TBC1D12: variants seen among roughly 807,000 people sequenced by gnomAD.
TBC1D12 encodes TBC1 domain family member 12.
A neutral mutation model predicts 86.7 loss-of-function variants in TBC1D12; 56 were observed. The ratio of observed to expected loss-of-function variants is 0.65; its 90% CI spans 0.52 to 0.81. TBC1D12 has a LOEUF of 0.81. Among genes scored for constraint, TBC1D12 ranks in the 30% least tolerant of loss-of-function variants. TBC1D12 has a pLI of 0.00. For missense variants in TBC1D12, 1,023 were observed against 1,038.8 expected (o/e 0.98, Z 0.21); for synonymous variants, 421 against 411.7 (o/e 1.02, Z -0.27).
intron 2 of TBC1D12, among the ~76,000 whole-genome samples, chr10:94,463,710 A>G (rs2055765436): frequency 6.6e-6 from 1 of 152,224 alleles, no homozygotes; most frequent in African/African-American, 2.4e-5. Context: ...TTATGCCCCA[A>G]ATATAGGGGC....
At chr10:94,407,032 C>CA (rs1217782173) in intron 1 of TBC1D12, among the ~76,000 whole-genome samples, 1 of 150,698 alleles carries the variant, frequency 6.6e-6, no homozygotes, top group African/African-American at 2.5e-5. Context: ...CTTAATTAGG[C>CA]AAAAATCTAT....
chr10:94,467,814 C>T (rs578245949), intron 2 of TBC1D12, among the ~76,000 whole-genome samples: 109 of 152,252 alleles, frequency 7.2e-4, no homozygotes, highest in African/African-American at 2.3e-3. Flanking sequence ...CACTCTCATG[C>T]GCGTACAACC....
intron 2 of TBC1D12, 122 bp from the exon 3 acceptor site, chr10:94,474,546 C>T: frequency 1.5e-6 from 1 of 676,786 alleles, no homozygotes; most frequent in Non-Finnish European, 2.3e-6. Context: ...ATATTTTTAC[C>T]AAATTATTTT....
At chr10:94,464,923 T>C (rs1006107094) in intron 2 of TBC1D12, among the ~76,000 whole-genome samples, 111 of 152,238 alleles carry the variant, frequency 7.3e-4, no homozygotes, top group African/African-American at 2.6e-3. Flanking sequence ...GATTCTCATA[T>C]CTACTCTTGC....
In TBC1D12 at chr10:94,403,516, G is replaced by T. The variant is rs768026034; in HGVS notation, c.903G>T (p.Ala301=). The T allele has an allele frequency of 6.4e-6, 10 of 1,561,740 alleles. No homozygotes were observed. The Admixed American group carries it at 1.9e-4, about 29-fold the overall frequency. The change falls in exon 1 of 13, where the codon GCG becomes GCT. Residue 301 remains alanine (A), a synonymous_variant. Coordinates refer to ENST00000225235, the MANE Select transcript of TBC1D12 (RefSeq NM_015188.2). ...GGCCGCCGGTGCCCTTGCCCGCCGC[G>T]GAGCAGGGTCCTGCGGGGGCTTCGG... is the stretch of plus-strand genomic sequence containing the variant. The part of the protein sequence containing the change: ...PAGPPVPLPA[A]EQGPAGASAR...
intron 1 of TBC1D12, among the ~76,000 whole-genome samples, chr10:94,405,983 G>A (rs550032090): frequency 4.6e-5 from 7 of 151,924 alleles, no homozygotes; most frequent in Admixed American, 3.3e-4. Flanking sequence ...GCTAATTTTT[G>A]TATTTTTGGT....
rs1405788517 is a variant in TBC1D12, at chr10:94,474,777, G to A, written c.1205G>A (p.Arg402Gln). 3.1e-6 allele frequency: 5 copies of A among 1,612,984 alleles called. No individual in the cohort carries two copies. Among genetic ancestry groups the A allele is most frequent in the Non-Finnish European group, 3.4e-6 (4 of 1,179,306 alleles). The change falls in exon 3 of 13, where the codon CGA becomes CAA. Residue 402 changes from arginine to glutamine, a missense_variant. Coordinates refer to ENST00000225235, the MANE Select transcript of TBC1D12 (RefSeq NM_015188.2). ...ACCACTGCCTTGATTCTTGAGGATCGACCATCGTAAGTATTTTAGTGATAA... is the reference window on the plus strand; with the variant it reads ...ACCACTGCCTTGATTCTTGAGGATCAACCATCGTAAGTATTTTAGTGATAA... The part of the protein sequence containing the change: ...LSTTALILED[R>Q]PSNLPAKSVE...
chr10:94,483,810 A>G (rs2134161115), intron 3 of TBC1D12, among the ~76,000 whole-genome samples: 1 of 151,912 alleles, frequency 6.6e-6, no homozygotes, highest in Admixed American at 6.6e-5. Context: ...CATTTATGCT[A>G]TGGTTGCCTG....
intron 2 of TBC1D12, among the ~76,000 whole-genome samples, chr10:94,443,658 T>C (rs2055411742): frequency 6.6e-6 from 1 of 152,174 alleles, no homozygotes; most frequent in Admixed American, 6.5e-5. Flanking sequence ...TTAGAAGCAG[T>C]ACACAGTTCC....
At chr10:94,517,974 G>A (rs57096906) in intron 9 of TBC1D12, among the ~76,000 whole-genome samples, 3,347 of 152,104 alleles carry the variant, frequency 0.022, 125 homozygotes, top group African/African-American at 0.074. Context: ...CCAACGTGGC[G>A]AAATCCCGTC....
In TBC1D12 at chr10:94,530,876, T is replaced by C. The variant is rs866486517; in HGVS notation, c.2001-326T>C. On this transcript the variant is annotated intron_variant, in intron 11 of 12. Transcript: ENST00000225235. The stretch of plus-strand genomic sequence containing the variant: ...AGCCTTTTTTTTTTTTTTTTTTTTT[T>C]CTGAGACAGAGTCTCACTCTATCAC... 1.0e-3 allele frequency among the ~76,000 whole-genome samples: 119 copies of C among 116,792 alleles called. No individual in the cohort carries two copies. The Middle Eastern group carries it at 0.023, about 22-fold the overall frequency. The allele number at this position is 116,792 out of a possible 152,430, so 76.6% of individuals were successfully genotyped here.
Position 94,522,593 on chromosome 10 carries a change from A to G in TBC1D12, c.2000+140A>G, listed in dbSNP as rs992551911. The G allele has an allele frequency of 1.4e-5, 6 of 435,804 alleles. No homozygotes were observed. The Admixed American group carries it at 1.8e-4, about 13-fold the overall frequency. 27.0% of individuals were successfully genotyped at this position (435,804 alleles called of 1,614,324 possible). A position where few individuals can be genotyped will look rare whatever the true frequency, so the allele number is the denominator to read the frequency against. ...TCTTTTACAAATTTAGAAACTTCCA[A>G]ATTTTTGTGGGGACGCATTTGATTA... On this transcript the variant is annotated intron_variant, in intron 11 of 12. Transcript: ENST00000225235.
At chr10:94,432,222 A>G (rs1319371739) in intron 1 of TBC1D12, among the ~76,000 whole-genome samples, 2 of 152,186 alleles carry the variant, frequency 1.3e-5, no homozygotes, top group Non-Finnish European at 2.9e-5. Context: ...CCATTGAGAC[A>G]TCAGCTTTTC....
intron 2 of TBC1D12, among the ~76,000 whole-genome samples, chr10:94,471,581 C>G (rs1026666462): frequency 6.6e-6 from 1 of 152,146 alleles, no homozygotes; most frequent in Non-Finnish European, 1.5e-5. Context: ...TTGTTTGCTC[C>G]TGCTGACTTG....
rs201293508 is a variant in TBC1D12, at chr10:94,417,698, TA to T, written c.971+14122del. On this transcript the variant is annotated intron_variant, in intron 1 of 12. Coordinates refer to ENST00000225235, the MANE Select transcript of TBC1D12 (RefSeq NM_015188.2). The stretch of plus-strand genomic sequence containing the variant: ...GCCATTTTTGAGGATTGAAAGAGAT[TA>T]AAAAAAATTGAGACTTCCATAATTA... 4.6e-5 allele frequency among the ~76,000 whole-genome samples: 7 copies of T among 151,396 alleles called. No individual in the cohort carries two copies. In the South Asian group the frequency reaches 6.3e-4, roughly 14 times the overall value.
intron 1 of TBC1D12, among the ~76,000 whole-genome samples, chr10:94,412,985 GA>G (rs1052127733): frequency 2.0e-5 from 3 of 152,152 alleles, no homozygotes; most frequent in Admixed American, 2.0e-4. Flanking sequence ...TTTTTAAAAA[GA>G]CCCCCAGGTG....
At chr10:94,454,845 T>C (rs576879860) in intron 2 of TBC1D12, among the ~76,000 whole-genome samples, 1 of 152,344 alleles carries the variant, frequency 6.6e-6, no homozygotes, top group Admixed American at 6.5e-5. Flanking sequence ...ACAATTTTAT[T>C]TCTTCTTTCC....
intron 1 of TBC1D12, among the ~76,000 whole-genome samples, chr10:94,420,765 G>T (rs2055062698): frequency 6.6e-6 from 1 of 152,128 alleles, no homozygotes; most frequent in Non-Finnish European, 1.5e-5. Flanking sequence ...TTTATCCACT[G>T]GTGGACATTT....
At chr10:94,437,289 A>C (rs567978616) in intron 1 of TBC1D12, among the ~76,000 whole-genome samples, 1 of 151,894 alleles carries the variant, frequency 6.6e-6, no homozygotes, top group African/African-American at 2.4e-5. Flanking sequence ...TTGGATGTGT[A>C]GATTATGTCT....
Sources: allele counts gnomAD v4.1 joint callset (sites outside exome capture counted in the v4.1 genomes callset), GRCh38; gene constraint gnomAD v4.1.1; transcripts MANE v1.5; gene names NCBI Gene and HGNC (gene_info 2026-07-23, HGNC 2026-07-21).